Variants in PCDHGA2 observed in about 807,000 individuals in gnomAD.
The protein encoded by PCDHGA2 is protocadherin gamma subfamily A, 2.
Under a neutral mutation model 59.2 loss-of-function variants are expected in PCDHGA2, and 40 were observed. That is an observed-to-expected ratio of 0.68 (90% CI 0.52 to 0.88). The LOEUF (loss-of-function observed/expected upper bound fraction) is 0.88. PCDHGA2 is among the 40% of genes least tolerant of loss of function. The pLI is 0.00. For missense variants in PCDHGA2, 1,226 were observed against 1,204.0 expected (o/e 1.02, Z -0.27); for synonymous variants, 560 against 526.0 (o/e 1.06, Z -0.89).
At chr5:141,409,021 C>T in intron 1 of PCDHGA2, 4 of 1,613,972 alleles carry the variant, frequency 2.5e-6, no homozygotes, top group Non-Finnish European at 3.4e-6. Context: ...ATGAGGGGGT[C>T]AATGCTGAGA....
chr5:141,401,235 A>G (rs1444346000), intron 1 of PCDHGA2, among the ~76,000 whole-genome samples: 1 of 152,120 alleles, frequency 6.6e-6, no homozygotes, highest in East Asian at 1.9e-4. Context: ...CCAGCTACTC[A>G]GGAGGCTAAG....
chr5:141,395,162 G>C, intron 1 of PCDHGA2: 1 of 1,614,148 alleles, frequency 6.2e-7, no homozygotes, highest in Non-Finnish European at 8.5e-7. Flanking sequence ...TCAGTCAGGA[G>C]GGCTGTGAGA....
chr5:141,439,904 C>T (rs1175032042), intron 1 of PCDHGA2: 2 of 152,364 alleles, frequency 1.3e-5, no homozygotes, highest in East Asian at 1.9e-4. Context: ...GCGACTACTG[C>T]CTCCTTTCCT....
Position 141,487,176 on chromosome 5 carries a change from A to G in PCDHGA2, c.2425-7631A>G. On this transcript the variant is annotated intron_variant, in intron 1 of 3. Coordinates refer to ENST00000394576, the MANE Select transcript of PCDHGA2 (RefSeq NM_018915.4). The surrounding 1 kb of genome is among the most constrained non-coding windows in gnomAD (Gnocchi z 5.0). ...ACTCTCTTAGTGTCCTTAGAGGAAGACACTCATCCAGTTGTCCCAGATCTT... is the reference window on the plus strand; with the variant it reads ...ACTCTCTTAGTGTCCTTAGAGGAAGGCACTCATCCAGTTGTCCCAGATCTT... 1 of 1,613,774 alleles carries G rather than the reference A, an allele frequency of 6.2e-7. No homozygotes were observed. The highest frequency in any genetic ancestry group is 8.5e-7 in the Non-Finnish European group (1 of 1,179,664).
At chr5:141,405,978 T>G (rs1280230437) in intron 1 of PCDHGA2, among the ~76,000 whole-genome samples, 1 of 152,144 alleles carries the variant, frequency 6.6e-6, no homozygotes, top group Non-Finnish European at 1.5e-5. Context: ...TAAACCATAC[T>G]TCATGGGGTA....
At position 141,489,481 on chromosome 5, in the gene PCDHGA2, A is replaced by C; in HGVS notation, c.2425-5326A>C. 6.2e-7 allele frequency: 1 copy of C among 1,614,040 alleles called. No homozygotes were observed. The highest frequency in any genetic ancestry group is 8.5e-7 in the Non-Finnish European group (1 of 1,180,004). ...GCGCTATTTTTCCCTGAGCTTGATG[A>C]GTGGTGCCCTGGCAGTGAATCAAAA... is the stretch of plus-strand genomic sequence containing the variant. On this transcript the variant is annotated intron_variant, in intron 1 of 3. Transcript: ENST00000394576. The surrounding 1 kb of genome is among the most constrained non-coding windows in gnomAD (Gnocchi z 4.5).
At chr5:141,388,715 T>A (rs2091466126) in intron 1 of PCDHGA2, 1 of 1,613,878 alleles carries the variant, frequency 6.2e-7, no homozygotes, top group Non-Finnish European at 8.5e-7. Flanking sequence ...ATGCCGAGAT[T>A]ACTTTCTCTT....
At chr5:141,365,966 G>C in intron 1 of PCDHGA2, 1 of 1,614,222 alleles carries the variant, frequency 6.2e-7, no homozygotes, top group Non-Finnish European at 8.5e-7. Context: ...TAGCAGCAAC[G>C]TGTCGCTGAG....
chr5:141,471,338 A>G (rs1562030662), intron 1 of PCDHGA2: 1 of 152,234 alleles, frequency 6.6e-6, no homozygotes, highest in Non-Finnish European at 1.5e-5. Context: ...GGTATGATCC[A>G]CTGCGCCCGG....
At chr5:141,351,748 G>A in intron 1 of PCDHGA2, 1 of 1,613,678 alleles carries the variant, frequency 6.2e-7, no homozygotes. Flanking sequence ...AGCCGCGGGA[G>A]CTGTTGTCCT....
intron 1 of PCDHGA2, chr5:141,356,198 T>G: frequency 6.2e-7 from 1 of 1,608,990 alleles, no homozygotes; most frequent in Non-Finnish European, 8.5e-7. Flanking sequence ...AGAAGCAAGG[T>G]ACTGGTGACA....
At chr5:141,388,611 A>T (rs773007125) in intron 1 of PCDHGA2, 13 of 1,613,850 alleles carry the variant, frequency 8.1e-6, no homozygotes, top group Non-Finnish European at 6.8e-6. Context: ...TCCAGTGTTC[A>T]GTCAAGACGT....
chr5:141,404,407 T>C, intron 1 of PCDHGA2: 1 of 1,613,944 alleles, frequency 6.2e-7, no homozygotes, highest in East Asian at 2.2e-5. Flanking sequence ...ATGAGAATTC[T>C]AGAGTTATTT....
chr5:141,381,910 A>G (rs1007248325), intron 1 of PCDHGA2, among the ~76,000 whole-genome samples: 10 of 130,320 alleles, frequency 7.7e-5, no homozygotes, highest in Admixed American at 5.1e-4. Context: ...GCTCACCACA[A>G]CCTCCACCTC....
intron 1 of PCDHGA2, among the ~76,000 whole-genome samples, chr5:141,343,640 A>G (rs563100206): frequency 2.0e-5 from 3 of 152,358 alleles, no homozygotes; most frequent in African/African-American, 7.2e-5. Flanking sequence ...ACTTGAGGTG[A>G]CACTGTTTAA....
chr5:141,503,763 T>C (rs1014883264), intron 2 of PCDHGA2, among the ~76,000 whole-genome samples: 1 of 152,174 alleles, frequency 6.6e-6, no homozygotes, highest in Non-Finnish European at 1.5e-5. Context: ...ATGGCAGCCT[T>C]GTGTCTGTTC....
chr5:141,356,130 G>A lies in PCDHGA2; in HGVS notation c.2424+14735G>A, dbSNP rs759875517. ...CAATATTGGGGGGTCTAGATTATGA[G>A]GACTCTGGATTCTATGACATAGATG... On this transcript the variant is annotated intron_variant, in intron 1 of 3. Transcript: ENST00000394576. 3.7e-6 allele frequency: 6 copies of A among 1,613,810 alleles called. No homozygotes were observed. The East Asian group carries it at 1.1e-4, about 30-fold the overall frequency.
chr5:141,354,680 T>C (rs1484161704), intron 1 of PCDHGA2, among the ~76,000 whole-genome samples: 3 of 152,232 alleles, frequency 2.0e-5, no homozygotes, highest in Admixed American at 2.0e-4. Flanking sequence ...GAGATAATTA[T>C]GTCCCTCACA....
rs558074504 is a variant in PCDHGA2 at position 141,489,065 on chromosome 5, C to A, written c.2425-5742C>A. ...CCACTCAAATTCAGCTCCCCTCCCCCCTGCCCACCCCCGCCACTCGGTGAC... is the reference window on the plus strand; with the variant it reads ...CCACTCAAATTCAGCTCCCCTCCCCACTGCCCACCCCCGCCACTCGGTGAC... On this transcript the variant is annotated intron_variant, in intron 1 of 3. Transcript: ENST00000394576. The surrounding 1 kb of genome is among the most constrained non-coding windows in gnomAD (Gnocchi z 4.5). 1,377 of 389,040 alleles carry A rather than the reference C, an allele frequency of 3.5e-3. 31 individuals carry two copies. Among genetic ancestry groups the A allele is most frequent in the Admixed American group, 9.8e-3 (226 of 22,946 alleles). 24.1% of individuals were successfully genotyped at this position (389,040 alleles called of 1,614,324 possible).
Sources: allele counts gnomAD v4.1 joint callset (sites outside exome capture counted in the v4.1 genomes callset), GRCh38; gene constraint gnomAD v4.1.1; non-coding constraint Gnocchi (gnomAD v3.1); transcripts MANE v1.5; gene names NCBI Gene and HGNC (gene_info 2026-07-23, HGNC 2026-07-21).